PAK5: variants seen among roughly 807,000 people sequenced by gnomAD.
The protein encoded by PAK5 is p21 (RAC1) activated kinase 5, also known as serine/threonine-protein kinase PAK 5.
In PAK5, 16 loss-of-function variants were observed where a neutral mutation model predicts 65.9. That is an observed-to-expected ratio of 0.24 (90% CI 0.16 to 0.37). The LOEUF (loss-of-function observed/expected upper bound fraction) is 0.37. PAK5 is among the 10% of genes least tolerant of loss of function. The pLI is 1.00. For synonymous variants in PAK5, 371 were observed against 354.9 expected (o/e 1.05, Z -0.51); for missense variants, 785 against 903.9 (o/e 0.87, Z 1.69).
intron 3 of PAK5, among the ~76,000 whole-genome samples, chr20:9,614,911 G>C (rs75513133): frequency 6.6e-6 from 1 of 152,170 alleles, no homozygotes; most frequent in African/African-American, 2.4e-5. Flanking sequence ...GAAGAAATAA[G>C]TGAAGGTAAA....
Position 9,537,731 on chromosome 20 carries a change from A to G in PAK5, c.*1731T>C. ...GGATTTAGATTGTTTTTATTCTCAC[A>G]TATTTATATTAATGCTTTAATATTT... On this transcript the variant is annotated 3_prime_UTR_variant, in exon 10 of 10. Coordinates refer to ENST00000353224, the MANE Select transcript of PAK5 (RefSeq NM_177990.4). 4.5e-6 allele frequency: 1 copy of G among 221,358 alleles called. No individual in the cohort carries two copies. Among genetic ancestry groups the G allele is most frequent in the Non-Finnish European group, 9.0e-6 (1 of 110,588 alleles). 13.7% of individuals were successfully genotyped at this position (221,358 alleles called of 1,614,324 possible).
intron 1 of PAK5, among the ~76,000 whole-genome samples, chr20:9,782,859 T>C (rs6087018): frequency 0.76 from 116,045 of 151,838 alleles, 44,454 homozygotes; most frequent in African/African-American, 0.82. Flanking sequence ...TCGTCAAACA[T>C]TTTCAAAGCT....
At chr20:9,837,687 G>A (rs925094924) in intron 1 of PAK5, among the ~76,000 whole-genome samples, 3 of 152,128 alleles carry the variant, frequency 2.0e-5, no homozygotes, top group Admixed American at 6.5e-5. Flanking sequence ...GAAGAGAAGC[G>A]GTTGCACTAG....
intron 1 of PAK5, among the ~76,000 whole-genome samples, chr20:9,825,716 A>C (rs742599): frequency 0.27 from 41,067 of 152,102 alleles, 6,646 homozygotes; most frequent in African/African-American, 0.46. Flanking sequence ...TTTAAATAAA[A>C]TTCATACCAG....
intron 3 of PAK5, among the ~76,000 whole-genome samples, chr20:9,631,556 T>C (rs571570428): frequency 1.3e-5 from 2 of 152,286 alleles, no homozygotes; most frequent in East Asian, 3.9e-4. Context: ...AGCCTCCAGA[T>C]GGGAATGAAG....
chr20:9,670,309 A>G (rs1216253321), intron 2 of PAK5, among the ~76,000 whole-genome samples: 2 of 152,148 alleles, frequency 1.3e-5, no homozygotes, highest in African/African-American at 2.4e-5. Context: ...GCTGGGTCAA[A>G]TGGTATTTCT....
intron 3 of PAK5, among the ~76,000 whole-genome samples, chr20:9,607,400 T>C (rs557184199): frequency 3.9e-5 from 6 of 152,296 alleles, no homozygotes; most frequent in African/African-American, 1.4e-4. Flanking sequence ...AAAAGAGATA[T>C]GACAAAATAT....
At chr20:9,670,018 G>A (rs866379210) in intron 2 of PAK5, among the ~76,000 whole-genome samples, 8 of 151,946 alleles carry the variant, frequency 5.3e-5, no homozygotes, top group Non-Finnish European at 1.0e-4. Flanking sequence ...GAGAACATGC[G>A]GTGTGTGGTT....
intron 7 of PAK5, among the ~76,000 whole-genome samples, chr20:9,556,703 G>T (rs1019226190): frequency 6.6e-6 from 1 of 152,194 alleles, no homozygotes; most frequent in Admixed American, 6.5e-5. Flanking sequence ...TGGCTGATGA[G>T]TTTCAGCAGA....
At chr20:9,732,594 C>G (rs758447445) in intron 1 of PAK5, among the ~76,000 whole-genome samples, 4 of 152,126 alleles carry the variant, frequency 2.6e-5, no homozygotes, top group African/African-American at 4.8e-5. Context: ...TCTTGTAGAT[C>G]TGATTCCTCC....
At chr20:9,573,293 G>A (rs777930218) in intron 4 of PAK5, among the ~76,000 whole-genome samples, 42 of 152,056 alleles carry the variant, frequency 2.8e-4, no homozygotes, top group Admixed American at 1.1e-3. Context: ...CAACTCAGCC[G>A]GACTACCTTT....
intron 1 of PAK5, among the ~76,000 whole-genome samples, chr20:9,761,339 A>T (rs986767743): frequency 1.3e-5 from 2 of 152,188 alleles, no homozygotes; most frequent in Admixed American, 1.3e-4. Flanking sequence ...TGCCCTTGAA[A>T]TATCTGTACA....
chr20:9,644,664 C>T (rs1417827368), intron 2 of PAK5, among the ~76,000 whole-genome samples: 1 of 152,234 alleles, frequency 6.6e-6, no homozygotes, highest in Middle Eastern at 3.4e-3. Context: ...TGTATGTTTC[C>T]ACTTTTTCCT....
intron 3 of PAK5, among the ~76,000 whole-genome samples, chr20:9,604,034 A>C (rs1052976067): frequency 6.6e-6 from 1 of 152,236 alleles, no homozygotes; most frequent in Non-Finnish European, 1.5e-5. Flanking sequence ...CACACCACAA[A>C]TTATTGATAT....
intron 3 of PAK5, among the ~76,000 whole-genome samples, chr20:9,622,354 C>T (rs779004339): frequency 6.6e-6 from 1 of 152,172 alleles, no homozygotes; most frequent in East Asian, 1.9e-4. Flanking sequence ...AATTCTGAGT[C>T]ATCCTCAACA....
chr20:9,674,350 C>A (rs558159506), intron 2 of PAK5, among the ~76,000 whole-genome samples: 1 of 152,238 alleles, frequency 6.6e-6, no homozygotes, highest in South Asian at 2.1e-4. Flanking sequence ...CCTCTCCCTG[C>A]CTACCCCTCA....
At chr20:9,690,872 G>A (rs1405966511) in intron 2 of PAK5, among the ~76,000 whole-genome samples, 1 of 149,666 alleles carries the variant, frequency 6.7e-6, no homozygotes, top group Non-Finnish European at 1.5e-5. Flanking sequence ...TCCTGCCTCA[G>A]CCTCCCGAGT....
Position 9,650,536 on chromosome 20 carries a change from A to G in PAK5, c.-11-6197T>C, listed in dbSNP as rs1277587412. ...TTCTTGCCAAAATTCCCCAATATTTACAAGCTTCTGTTGCCATTCCCTTTT... is the reference window on the plus strand; with the variant it reads ...TTCTTGCCAAAATTCCCCAATATTTGCAAGCTTCTGTTGCCATTCCCTTTT... On this transcript the variant is annotated intron_variant, in intron 2 of 9. Coordinates refer to ENST00000353224, the MANE Select transcript of PAK5 (RefSeq NM_177990.4). Among the ~76,000 whole-genome samples, 7 of 152,294 alleles carry G rather than the reference A, an allele frequency of 4.6e-5. 1 individual carries two copies. The South Asian group carries it at 8.3e-4, about 18-fold the overall frequency.
intron 1 of PAK5, among the ~76,000 whole-genome samples, chr20:9,796,041 C>T (rs548380907): frequency 6.6e-6 from 1 of 152,130 alleles, no homozygotes; most frequent in African/African-American, 2.4e-5. Context: ...TGATTTTACA[C>T]TGTTAACAGG....
Sources: allele counts gnomAD v4.1 joint callset (sites outside exome capture counted in the v4.1 genomes callset), GRCh38; gene constraint gnomAD v4.1.1; transcripts MANE v1.5; gene names NCBI Gene and HGNC (gene_info 2026-07-23, HGNC 2026-07-21).